Variants in CRB1 observed in about 807,000 individuals in gnomAD.
CRB1 encodes crumbs cell polarity complex component 1, also known as protein crumbs homolog 1.
A neutral mutation model predicts 120.0 loss-of-function variants in CRB1; 83 were observed. The ratio of observed to expected loss-of-function variants is 0.69; its 90% confidence interval spans 0.58 to 0.83. CRB1 has a LOEUF of 0.83. CRB1 is among the 40% of genes least tolerant of loss of function. CRB1 has a pLI of 0.00. For missense variants in CRB1, 1,699 were observed against 1,687.6 expected (o/e 1.01, Z -0.12); for synonymous variants, 625 against 612.5 (o/e 1.02, Z -0.30).
chr1:197,453,841 CAATATTATTATTAATATATATT>C (rs1167693661), intron 11 of CRB1, among the ~76,000 whole-genome samples: 2 of 138,096 alleles, frequency 1.4e-5, no homozygotes, highest in African/African-American at 5.4e-5. Flanking sequence ...AATATATTAT[CAATATTATTATTAATATATATT>C]AATATTATTA....
At chr1:197,409,165 A>G (rs1346194843) in intron 5 of CRB1, among the ~76,000 whole-genome samples, 1 of 152,210 alleles carries the variant, frequency 6.6e-6, no homozygotes, top group East Asian at 1.9e-4. Context: ...TTAGAATAGT[A>G]TAATCATAAA....
chr1:197,242,724 T>C, the CRB1 span, among the ~76,000 whole-genome samples: 4 of 152,202 alleles, frequency 2.6e-5, no homozygotes, highest in East Asian at 5.8e-4. Context: ...TTTTATATTG[T>C]TTGGAATAGT....
rs1660533903 is a variant in CRB1, at chr1:197,357,212, G to A, written c.1171+199G>A. On this transcript the variant is annotated intron_variant, in intron 5 of 11. Transcript: ENST00000367400. ...CTCAAATCACGAGAGAAATATTAAA[G>A]AGGGATAAAGGAGGAATGAAAGGGA... The A allele has an allele frequency of 1.5e-5, 10 of 661,960 alleles. 1 individual carries two copies. The East Asian group carries it at 2.8e-4, about 18-fold the overall frequency. The allele number at this position is 661,960 out of a possible 1,614,324, so 41.0% of individuals were successfully genotyped here.
chr1:197,252,582 A>ATATATATATATATG, the CRB1 span, among the ~76,000 whole-genome samples: 2 of 15,506 alleles, frequency 1.3e-4, no homozygotes, highest in African/African-American at 1.6e-4. Flanking sequence ...ATATATATAT[A>ATATATATATATATG]TGTGTGTGTG....
chr1:197,237,976 A>AT, the CRB1 span, among the ~76,000 whole-genome samples: 1 of 152,104 alleles, frequency 6.6e-6, no homozygotes, highest in African/African-American at 2.4e-5. Flanking sequence ...TAATGAATGC[A>AT]TTTAGTGCTA....
chr1:197,255,530 T>TC, the CRB1 span, among the ~76,000 whole-genome samples: 2 of 152,068 alleles, frequency 1.3e-5, no homozygotes, highest in Non-Finnish European at 2.9e-5. Flanking sequence ...ACTGTTCACA[T>TC]CCTAGTTGGA....
intron 5 of CRB1, among the ~76,000 whole-genome samples, chr1:197,406,693 T>G (rs1001658254): frequency 1.3e-5 from 2 of 152,234 alleles, no homozygotes; most frequent in Admixed American, 1.3e-4. Context: ...ATTTCAAATA[T>G]TTCTTTTATT....
chr1:197,346,662 C>T (rs1368299786), intron 3 of CRB1, among the ~76,000 whole-genome samples: 5 of 152,102 alleles, frequency 3.3e-5, no homozygotes, highest in Non-Finnish European at 5.9e-5. Context: ...TGAGGAGACC[C>T]CGACCTAAAT....
rs553379199 is a variant in CRB1 at position 197,344,131 on chromosome 1, G to T, written c.653-150G>T. 1.3e-4 allele frequency: 104 copies of T among 806,506 alleles called. 2 individuals are homozygous for T. The South Asian group carries it at 1.5e-3, about 12-fold the overall frequency. 50.0% of individuals were successfully genotyped at this position (806,506 alleles called of 1,614,324 possible). A position where few individuals can be genotyped will look rare whatever the true frequency, so the allele number is the denominator to read the frequency against. Reference sequence around the variant, plus strand: ...GCAACTTCCCACAAGCACACCAAAAGTTAATATCAATTACAATTAAGGGGG... The same window carrying T: ...GCAACTTCCCACAAGCACACCAAAATTTAATATCAATTACAATTAAGGGGG... On this transcript the variant is annotated intron_variant, in intron 2 of 11. Transcript: ENST00000367400.
intron 11 of CRB1, among the ~76,000 whole-genome samples, chr1:197,470,099 A>T (rs1666916833): frequency 1.3e-5 from 2 of 152,222 alleles, no homozygotes; most frequent in South Asian, 4.1e-4. Flanking sequence ...AGCTCATTGC[A>T]TGCTGCTAGA....
At chr1:197,444,360 G>A (rs1325387957) in intron 11 of CRB1, 1 of 152,118 alleles carries the variant, frequency 6.6e-6, no homozygotes, top group Non-Finnish European at 1.5e-5. Flanking sequence ...CACATCCAAG[G>A]CTGAACGTGT....
rs2125575047 is a variant in CRB1 at position 197,478,349 on chromosome 1, AT to A, written c.*471del. The A allele has an allele frequency of 4.9e-6, 1 of 205,216 alleles. No homozygotes were observed. The highest frequency in any genetic ancestry group is 1.2e-4 in the East Asian group (1 of 8,336). The allele number at this position is 205,216 out of a possible 1,614,324, so 12.7% of individuals were successfully genotyped here. A position where few individuals can be genotyped will look rare whatever the true frequency, so the allele number is the denominator to read the frequency against. ...TCAAAGTTATTGTTGTATACCAGCG[AT>A]GGGATGTATACTTTTGTCCTTCATT... is the stretch of plus-strand genomic sequence containing the variant. On this transcript the variant is annotated 3_prime_UTR_variant, in exon 12 of 12. Transcript: ENST00000367400.
At chr1:197,404,566 T>C (rs1356148471) in intron 5 of CRB1, among the ~76,000 whole-genome samples, 2 of 152,180 alleles carry the variant, frequency 1.3e-5, no homozygotes, top group African/African-American at 2.4e-5. Context: ...GGTTTTATGG[T>C]TAAGCATTTT....
At chr1:197,386,053 G>A (rs1662200970) in intron 5 of CRB1, among the ~76,000 whole-genome samples, 1 of 151,862 alleles carries the variant, frequency 6.6e-6, no homozygotes, top group South Asian at 2.1e-4. Flanking sequence ...ATGTCTAGGG[G>A]CTAAAACCGA....
chr1:197,268,931 A>G (rs553999187), intron 1 of CRB1, among the ~76,000 whole-genome samples: 1 of 152,318 alleles, frequency 6.6e-6, no homozygotes, highest in African/African-American at 2.4e-5. Context: ...TGCTCTCATA[A>G]TTAAGGGGAT....
At chr1:197,454,574 A>G (rs1252879860) in intron 11 of CRB1, among the ~76,000 whole-genome samples, 2 of 152,200 alleles carry the variant, frequency 1.3e-5, no homozygotes, top group African/African-American at 4.8e-5. Flanking sequence ...GAATGGAAAC[A>G]GGCAACATAC....
chr1:197,213,429 C>T, the CRB1 span, among the ~76,000 whole-genome samples: 7 of 151,978 alleles, frequency 4.6e-5, no homozygotes, highest in Admixed American at 6.6e-5. Context: ...GCTGATAAGA[C>T]GAGCAGAGCA....
chr1:197,328,794 A>T lies in CRB1; in HGVS notation c.443A>T (p.Asp148Val). 2 of 1,613,882 alleles carry T rather than the reference A, an allele frequency of 1.2e-6. No homozygotes were observed. The highest frequency in any genetic ancestry group is 1.7e-6 in the Non-Finnish European group (2 of 1,179,838). ...TATGCTGGAAGATTCTGTGAGATAGATCACGATGAGTGTGCTTCCAGCCCT... is the reference window on the plus strand; with the variant it reads ...TATGCTGGAAGATTCTGTGAGATAGTTCACGATGAGTGTGCTTCCAGCCCT... ...AGYAGRFCEIDHDECASSPCQ... is the reference protein window; with the variant it reads ...AGYAGRFCEIVHDECASSPCQ... Residue 148 changes from aspartate (D) to valine (V), a missense_variant, in exon 2 of 12, where the codon GAT becomes GTT. Transcript: ENST00000367400.
At chr1:197,382,178 C>G (rs1467121478) in intron 5 of CRB1, among the ~76,000 whole-genome samples, 1 of 152,130 alleles carries the variant, frequency 6.6e-6, no homozygotes, top group Non-Finnish European at 1.5e-5. Context: ...TAGACAATAA[C>G]AGTAACCTAA....
Sources: gnomAD v4.1 joint callset for allele counts (sites outside exome capture counted in the v4.1 genomes callset) on GRCh38, gnomAD v4.1.1 for gene constraint, MANE v1.5 for transcripts, NCBI Gene and HGNC (gene_info 2026-07-23, HGNC 2026-07-21) for gene names.